The following USP24 variants were observed in gnomAD, a reference collection of about 807,000 sequenced individuals.
USP24 encodes ubiquitin carboxyl-terminal hydrolase 24.
A neutral mutation model predicts 361.6 loss-of-function variants in USP24; 97 were observed. That is an observed-to-expected ratio of 0.27 (90% confidence interval 0.23 to 0.32). The LOEUF (loss-of-function observed/expected upper bound fraction) is 0.32, where lower values mean the gene tolerates loss of function less well. USP24 is among the 10% of genes least tolerant of loss of function. USP24 has a pLI of 1.00. For synonymous variants in USP24, 1,098 were observed against 1,124.6 expected (o/e 0.98, Z 0.47); for missense variants, 2,353 against 3,165.6 (o/e 0.74, Z 6.16).
At chr1:55,187,463 A>C (rs1277660170) in intron 1 of USP24, among the ~76,000 whole-genome samples, 1 of 152,202 alleles carries the variant, frequency 6.6e-6, no homozygotes, top group Non-Finnish European at 1.5e-5. Flanking sequence ...GGCAAAGAAA[A>C]AATAAAAGGC....
At chr1:55,137,164 G>T (rs948787588) in intron 28 of USP24, among the ~76,000 whole-genome samples, 3 of 152,190 alleles carry the variant, frequency 2.0e-5, no homozygotes, top group East Asian at 1.9e-4. Flanking sequence ...GCGATCACAC[G>T]TATCAGCTTC....
intron 67 of USP24, among the ~76,000 whole-genome samples, chr1:55,070,692 A>AAGAGAGGCTTTGACAGGGCAGG: frequency 6.9e-6 from 1 of 143,902 alleles, no homozygotes; most frequent in South Asian, 2.2e-4. Flanking sequence ...CAACAGGGAG[A>AAGAGAGGCTTTGACAGGGCAGG]AGAGAGGCTT....
chr1:55,079,793 T>TGAGTACTCACA, intron 59 of USP24, 134 bp from the exon 60 acceptor site: 1 of 1,051,220 alleles, frequency 9.5e-7, no homozygotes. Flanking sequence ...ACTCACACAC[T>TGAGTACTCACA]GAGTACTCAC....
At chr1:55,107,852 A>AC (rs1467180817) in intron 39 of USP24, among the ~76,000 whole-genome samples, 2,111 of 139,124 alleles carry the variant, frequency 0.015, 41 homozygotes, top group African/African-American at 0.032. Context: ...AAAAAAAAAA[A>AC]AAAAAAAAAA....
intron 39 of USP24, among the ~76,000 whole-genome samples, chr1:55,108,960 C>A (rs973362596): frequency 1.3e-5 from 2 of 152,212 alleles, no homozygotes; most frequent in Admixed American, 6.5e-5. Flanking sequence ...ACCAATTCCA[C>A]TGCATTGCTC....
Position 55,123,374 on chromosome 1 carries a change from A to C in USP24, c.4276+73T>G. ...ACCAATGGGACCTTATCTAGGAAGA[A>C]ATGTAAAGAATTCCCAACAGAAACT... On this transcript the variant is annotated intron_variant, in intron 36 of 67. Coordinates refer to ENST00000294383, the MANE Select transcript of USP24 (RefSeq NM_015306.3). 2.8e-6 allele frequency: 4 copies of C among 1,414,154 alleles called. No homozygotes were observed. The South Asian group carries it at 6.8e-5, about 24-fold the overall frequency. 87.6% of individuals were successfully genotyped at this position (1,414,154 alleles called of 1,614,324 possible).
At chr1:55,195,585 G>A (rs1039574734) in intron 1 of USP24, among the ~76,000 whole-genome samples, 5 of 152,112 alleles carry the variant, frequency 3.3e-5, no homozygotes, top group African/African-American at 7.2e-5. Context: ...AGAGTATTAC[G>A]AAAGTACATA....
At chr1:55,092,725 A>G (rs560352473) in intron 53 of USP24, 96 bp downstream of exon 53, 4 of 906,828 alleles carry the variant, frequency 4.4e-6, no homozygotes, top group African/African-American at 3.6e-5. Flanking sequence ...CCTGAATGCT[A>G]ACTACTGAGA....
At chr1:55,112,402 T>G (rs984313005) in intron 38 of USP24, among the ~76,000 whole-genome samples, 5 of 152,218 alleles carry the variant, frequency 3.3e-5, no homozygotes, top group Non-Finnish European at 7.3e-5. Context: ...CTTTCTCCTG[T>G]GGGCATTTAG....
In USP24 at chr1:55,162,234, C is replaced by T; in HGVS notation, c.958G>A (p.Val320Met). 1 of 1,594,548 alleles carries T rather than the reference C, an allele frequency of 6.3e-7. No homozygotes were observed. The highest frequency in any genetic ancestry group is 8.5e-7 in the Non-Finnish European group (1 of 1,171,912). The change falls in exon 8 of 68, where the codon GTG becomes ATG. Residue 320 changes from valine (V) to methionine (M), a missense_variant. Around this residue, in one of 8 missense-constraint regions of USP24, gnomAD observed 386 missense variants for 560.5 expected, o/e 0.69. Transcript: ENST00000294383. The part of the protein sequence containing the change: ...AVSALIQPLG[V>M]CAEYLNSSVV... The stretch of plus-strand genomic sequence containing the variant: ...GAGGAATTGAGGTACTCTGCACACA[C>T]TCCTAAGGGCTGAATCAGTGCTGAG...
chr1:55,149,695 G>C (rs1647138405), intron 16 of USP24, among the ~76,000 whole-genome samples: 1 of 152,150 alleles, frequency 6.6e-6, no homozygotes, highest in South Asian at 2.1e-4. Flanking sequence ...ACTAGGCACA[G>C]GAGTAAGTTT....
intron 28 of USP24, among the ~76,000 whole-genome samples, chr1:55,137,111 C>G (rs919389984): frequency 6.6e-6 from 1 of 152,162 alleles, no homozygotes; most frequent in African/African-American, 2.4e-5. Context: ...TGGAAATTCA[C>G]ACCAAGTCCC....
At chr1:55,192,215 CA>C (rs1288210646) in intron 1 of USP24, among the ~76,000 whole-genome samples, 2 of 152,068 alleles carry the variant, frequency 1.3e-5, no homozygotes, top group Non-Finnish European at 2.9e-5. Context: ...CTCTTGAACC[CA>C]ACAAGGATAC....
At chr1:55,149,139 T>C (rs1647122095) in intron 16 of USP24, among the ~76,000 whole-genome samples, 1 of 152,234 alleles carries the variant, frequency 6.6e-6, no homozygotes, top group Non-Finnish European at 1.5e-5. Context: ...ACACTTACAC[T>C]GTACATTTTT....
intron 38 of USP24, among the ~76,000 whole-genome samples, chr1:55,111,822 T>C (rs1172393995): frequency 1.3e-5 from 2 of 152,092 alleles, no homozygotes; most frequent in Non-Finnish European, 2.9e-5. Context: ...CTTAGACATC[T>C]GGAATGTTAA....
intron 4 of USP24, among the ~76,000 whole-genome samples, chr1:55,172,052 G>A (rs1649506200): frequency 6.6e-6 from 1 of 152,134 alleles, no homozygotes; most frequent in Non-Finnish European, 1.5e-5. Context: ...ACTGTTACCT[G>A]TTGGGGGAAA....
At position 55,137,479 on chromosome 1, in the gene USP24, G is replaced by A. The variant is rs371133410; in HGVS notation, c.3201+36C>T. On this transcript the variant is annotated intron_variant, in intron 28 of 67. Transcript: ENST00000294383. The stretch of plus-strand genomic sequence containing the variant: ...AGAACAAAAAGACAGTGACTGTTAA[G>A]TTCTTGTTTTTAAATGGAAATTGAT... 8.1e-6 allele frequency: 13 copies of A among 1,598,116 alleles called. No homozygotes were observed. The African/African-American group carries it at 1.3e-4, about 17-fold the overall frequency.
chr1:55,080,488 T>TAA (rs1645127935), intron 59 of USP24, among the ~76,000 whole-genome samples: 1 of 152,232 alleles, frequency 6.6e-6, no homozygotes, highest in African/African-American at 2.4e-5. Context: ...TGGAGGTTAC[T>TAA]AAACCTTTCT....
In USP24 at chr1:55,137,584, T is replaced by C. The variant is rs1278882462; in HGVS notation, c.3132A>G (p.Ser1044=). 1.9e-6 allele frequency: 3 copies of C among 1,613,360 alleles called. No individual in the cohort carries two copies. The highest frequency in any genetic ancestry group is 8.5e-7 in the Non-Finnish European group (1 of 1,179,632). The stretch of plus-strand genomic sequence containing the variant: ...TGCTGGAGCTGGTTGAAGAATCTGC[T>C]GAACTCCCAGATGGGGTCCCACTGC... ...TSGSGTPSGS[S]ADSSTSSSSS... Residue 1044 remains serine, a synonymous_variant, in exon 28 of 68, where the codon TCA becomes TCG. Coordinates refer to ENST00000294383, the MANE Select transcript of USP24 (RefSeq NM_015306.3).
Sources: gnomAD v4.1 joint callset for allele counts (sites outside exome capture counted in the v4.1 genomes callset) on GRCh38, gnomAD v4.1.1 for gene constraint, gnomAD v4.1.1 regional missense constraint, MANE v1.5 for transcripts, NCBI Gene and HGNC (gene_info 2026-07-23, HGNC 2026-07-21) for gene names.